C1QTNF7: variants seen among roughly 807,000 people sequenced by gnomAD.
C1QTNF7 encodes complement C1q tumor necrosis factor-related protein 7.
Under a neutral mutation model 19.6 loss-of-function variants are expected in C1QTNF7, and 15 were observed. The observed-to-expected ratio is 0.76, with a 90% CI of 0.51 to 1.18. The LOEUF (loss-of-function observed/expected upper bound fraction) is 1.18, where lower values mean the gene tolerates loss of function less well. C1QTNF7 is among the 50% of genes most tolerant of loss of function. C1QTNF7 has a pLI of 0.00. For missense variants in C1QTNF7, 324 were observed against 359.7 expected, an observed-to-expected ratio of 0.90 and a Z score of 0.80; for synonymous variants, 142 against 137.5, an observed-to-expected ratio of 1.03 and a Z score of -0.23.
At chr4:15,435,200 A>T (rs988255388) in intron 1 of C1QTNF7, among the ~76,000 whole-genome samples, 1 of 152,236 alleles carries the variant, frequency 6.6e-6, no homozygotes, top group Non-Finnish European at 1.5e-5. Flanking sequence ...AATGTCACAC[A>T]TAATTTTGAC....
intron 1 of C1QTNF7, among the ~76,000 whole-genome samples, chr4:15,370,805 G>A (rs921999810): frequency 1.3e-5 from 2 of 152,098 alleles, no homozygotes; most frequent in African/African-American, 4.8e-5. Context: ...AGTTTATAAA[G>A]CAATTCCACA....
chr4:15,408,145 C>A (rs71601473), intron 1 of C1QTNF7, among the ~76,000 whole-genome samples: 1 of 151,444 alleles, frequency 6.6e-6, no homozygotes, highest in Admixed American at 6.6e-5. Flanking sequence ...TGGTGGCGCA[C>A]GCCTGTAGTC....
At chr4:15,360,265 C>T (rs1717290352) in intron 1 of C1QTNF7, among the ~76,000 whole-genome samples, 1 of 152,164 alleles carries the variant, frequency 6.6e-6, no homozygotes, top group Non-Finnish European at 1.5e-5. Flanking sequence ...CTAATTCTCA[C>T]TATTCACAGC....
intron 1 of C1QTNF7, among the ~76,000 whole-genome samples, chr4:15,435,419 T>C (rs1343758791): frequency 1.3e-5 from 2 of 152,226 alleles, no homozygotes; most frequent in Non-Finnish European, 2.9e-5. Context: ...GCACTATGTT[T>C]GTAAAAAGAA....
intron 1 of C1QTNF7, among the ~76,000 whole-genome samples, chr4:15,382,443 G>C (rs1718182669): frequency 6.6e-6 from 1 of 151,760 alleles, no homozygotes; most frequent in African/African-American, 2.4e-5. Context: ...TCAAAGCCGT[G>C]GGTTCTTGTT....
chr4:15,413,048 C>T (rs1181714443), intron 1 of C1QTNF7, among the ~76,000 whole-genome samples: 1 of 152,192 alleles, frequency 6.6e-6, no homozygotes, highest in Non-Finnish European at 1.5e-5. Context: ...TTGCACCACC[C>T]AGGTGGCTCT....
intron 1 of C1QTNF7, among the ~76,000 whole-genome samples, chr4:15,386,534 T>C (rs1718342324): frequency 2.0e-5 from 3 of 152,044 alleles, no homozygotes; most frequent in South Asian, 4.2e-4. Context: ...GTACCTTAGA[T>C]GACCATACAA....
chr4:15,424,844 T>C (rs9998753), upstream of C1QTNF7, among the ~76,000 whole-genome samples: 432 of 152,312 alleles, frequency 2.8e-3, 2 homozygotes, highest in African/African-American at 0.01. Context: ...TTGCCTATCA[T>C]TCTCTGCTTT....
At chr4:15,389,877 C>T (rs562032499) in intron 1 of C1QTNF7, among the ~76,000 whole-genome samples, 4 of 152,194 alleles carry the variant, frequency 2.6e-5, no homozygotes, top group Non-Finnish European at 4.4e-5. Context: ...AGGCTCACAC[C>T]GTCAGCAGGG....
chr4:15,393,006 C>T (rs1718633859), intron 1 of C1QTNF7, among the ~76,000 whole-genome samples: 1 of 152,108 alleles, frequency 6.6e-6, no homozygotes, highest in African/African-American at 2.4e-5. Context: ...AATTGTAGCT[C>T]CCAAAATTTC....
chr4:15,396,745 G>C (rs1718800063), intron 1 of C1QTNF7, among the ~76,000 whole-genome samples: 1 of 152,118 alleles, frequency 6.6e-6, no homozygotes, highest in Non-Finnish European at 1.5e-5. Context: ...CAGCAGAGGA[G>C]AGGCTGTGTC....
intron 1 of C1QTNF7, among the ~76,000 whole-genome samples, chr4:15,346,632 C>T (rs920681199): frequency 6.6e-6 from 1 of 152,182 alleles, no homozygotes; most frequent in Non-Finnish European, 1.5e-5. Flanking sequence ...ATTTCAATCC[C>T]ATTCCACTCT....
intron 1 of C1QTNF7, among the ~76,000 whole-genome samples, chr4:15,421,819 G>A (rs1165969951): frequency 2.0e-5 from 3 of 152,128 alleles, no homozygotes; most frequent in African/African-American, 7.2e-5. Flanking sequence ...TATAGATATA[G>A]ATATTTAAAA....
At chr4:15,380,158 C>A (rs1325047518) in intron 1 of C1QTNF7, among the ~76,000 whole-genome samples, 1 of 152,208 alleles carries the variant, frequency 6.6e-6, no homozygotes, top group Non-Finnish European at 1.5e-5. Flanking sequence ...GGGACAAAAG[C>A]TGGCATGAAA....
intron 1 of C1QTNF7, among the ~76,000 whole-genome samples, chr4:15,387,146 G>A (rs984821640): frequency 1.3e-5 from 2 of 152,202 alleles, no homozygotes; most frequent in African/African-American, 4.8e-5. Context: ...GCAGGAAAAG[G>A]AGAATCAAAG....
At chr4:15,388,219 T>C (rs543788473) in intron 1 of C1QTNF7, among the ~76,000 whole-genome samples, 2 of 152,278 alleles carry the variant, frequency 1.3e-5, no homozygotes, top group South Asian at 4.2e-4. Flanking sequence ...ATGAAATGGT[T>C]ATAAAGGAGA....
chr4:15,381,241 C>T (rs1387628477), intron 1 of C1QTNF7, among the ~76,000 whole-genome samples: 1 of 151,426 alleles, frequency 6.6e-6, no homozygotes, highest in Non-Finnish European at 1.5e-5. Context: ...CACAGTGAAA[C>T]CCTGTCTCTA....
At chr4:15,349,605 C>A (rs1250389775) in intron 1 of C1QTNF7, among the ~76,000 whole-genome samples, 1 of 152,160 alleles carries the variant, frequency 6.6e-6, no homozygotes, top group African/African-American at 2.4e-5. Context: ...AATTTCACTT[C>A]CTGGCAGCCA....
intron 1 of C1QTNF7, chr4:15,374,044 T>G (rs13137905): frequency 0.23 from 34,539 of 152,154 alleles, 4,458 homozygotes; most frequent in East Asian, 0.3. Context: ...TCAGAAACAT[T>G]AAGGGCCATG....
Sources: gnomAD v4.1 joint callset for allele counts (sites outside exome capture counted in the v4.1 genomes callset) on GRCh38, gnomAD v4.1.1 for gene constraint, MANE v1.5 for transcripts, NCBI Gene and HGNC (gene_info 2026-07-23, HGNC 2026-07-21) for gene names.